Variants in RNF13 observed in about 807,000 individuals in gnomAD.
RNF13 encodes E3 ubiquitin-protein ligase RNF13.
A neutral mutation model predicts 37.7 loss-of-function variants in RNF13; 19 were observed. The ratio of observed to expected loss-of-function variants is 0.50; its 90% CI spans 0.35 to 0.74. RNF13 has a LOEUF of 0.74. Among genes scored for constraint, RNF13 ranks in the 30% least tolerant of loss-of-function variants. The pLI, the probability that RNF13 is intolerant of heterozygous loss-of-function variation, is 0.01. For missense variants in RNF13, 375 were observed against 453.0 expected (o/e 0.83, Z 1.56); for synonymous variants, 144 against 157.8 (o/e 0.91, Z 0.65).
intron 3 of RNF13, among the ~76,000 whole-genome samples, chr3:149,862,209 T>G (rs1724330482): frequency 6.6e-6 from 1 of 152,102 alleles, no homozygotes; most frequent in Admixed American, 6.5e-5. Context: ...AACCAATCCC[T>G]TGTGTCATTG....
chr3:149,834,377 T>C (rs1439614223), intron 1 of RNF13, among the ~76,000 whole-genome samples: 1 of 152,218 alleles, frequency 6.6e-6, no homozygotes, highest in Non-Finnish European at 1.5e-5. Context: ...AGTGTGGTAC[T>C]GGTGTAAAGA....
intron 8 of RNF13, among the ~76,000 whole-genome samples, chr3:149,951,073 G>C (rs1312699695): frequency 3.3e-5 from 5 of 152,102 alleles, no homozygotes; most frequent in Non-Finnish European, 7.4e-5. Flanking sequence ...GATTTTTCCT[G>C]GTAGAGCTTC....
intron 5 of RNF13, among the ~76,000 whole-genome samples, chr3:149,896,789 T>C (rs1171645004): frequency 6.6e-6 from 1 of 152,180 alleles, no homozygotes; most frequent in African/African-American, 2.4e-5. Flanking sequence ...ATTTTTGTCC[T>C]TCTTAACCCT....
At chr3:149,876,378 C>CT (rs746562741) in intron 4 of RNF13, among the ~76,000 whole-genome samples, 2 of 152,156 alleles carry the variant, frequency 1.3e-5, no homozygotes, top group Non-Finnish European at 2.9e-5. Context: ...CCCACACCCC[C>CT]TTTTTTGTGG....
chr3:149,842,540 G>C (rs931387249), intron 1 of RNF13, among the ~76,000 whole-genome samples: 1 of 152,090 alleles, frequency 6.6e-6, no homozygotes. Context: ...ACAGTGCTGG[G>C]ATATAAACCC....
In RNF13 at chr3:149,960,938, C is replaced by T. The variant is rs200489974; in HGVS notation, c.980C>T (p.Ser327Leu). 6.4e-5 allele frequency: 104 copies of T among 1,614,030 alleles called. No homozygotes were observed. Among genetic ancestry groups the T allele is most frequent in the Middle Eastern group, 1.6e-4 (1 of 6,084 alleles). ...SVSAQSFGAL[S>L]ESRSHQNMTE... ...AGTGCCCAGTCATTTGGGGCTTTAT[C>T]GGAATCCCGCTCACATCAGAACATG... Residue 327 changes from serine (S) to leucine (L), a missense_variant, in exon 10 of 10, where the codon TCG (serine) becomes TTG (leucine). By Grantham distance (145) the Ser-to-Leu change is moderately radical. Coordinates refer to ENST00000392894, the MANE Select transcript of RNF13 (RefSeq NM_183381.3).
intron 3 of RNF13, among the ~76,000 whole-genome samples, chr3:149,861,194 G>A (rs548752055): frequency 1.3e-5 from 2 of 151,570 alleles, no homozygotes; most frequent in Non-Finnish European, 2.9e-5. Flanking sequence ...TGTGGAAAAC[G>A]GTATGGAGAT....
At chr3:149,905,773 C>T (rs1175849304) in intron 6 of RNF13, among the ~76,000 whole-genome samples, 1 of 151,840 alleles carries the variant, frequency 6.6e-6, no homozygotes, top group Non-Finnish European at 1.5e-5. Flanking sequence ...ATCAGTTATT[C>T]CAATGGGGTT....
At chr3:149,936,995 G>T (rs1719757726) in intron 8 of RNF13, among the ~76,000 whole-genome samples, 1 of 152,064 alleles carries the variant, frequency 6.6e-6, no homozygotes, top group African/African-American at 2.4e-5. Context: ...GTTCCAAAGG[G>T]GATTCCCTGG....
At chr3:149,884,483 G>GT (rs371766980) in intron 4 of RNF13, among the ~76,000 whole-genome samples, 31 of 149,836 alleles carry the variant, frequency 2.1e-4, no homozygotes, top group Middle Eastern at 3.4e-3. Flanking sequence ...TCCAGTAATT[G>GT]TTTTTTTTTC....
intron 5 of RNF13, among the ~76,000 whole-genome samples, chr3:149,898,546 C>G (rs577158656): frequency 6.6e-6 from 1 of 152,150 alleles, no homozygotes; most frequent in East Asian, 1.9e-4. Context: ...TACCTAATAT[C>G]TATATGCTTC....
At chr3:149,930,795 G>A (rs1020870622) in intron 8 of RNF13, among the ~76,000 whole-genome samples, 12 of 152,122 alleles carry the variant, frequency 7.9e-5, no homozygotes, top group Admixed American at 2.6e-4. Context: ...TCGGCAGATT[G>A]TGCCTTTCTG....
At position 149,912,891 on chromosome 3, in the gene RNF13, A is replaced by C. The variant is rs567064952; in HGVS notation, c.606+808A>C. 3.3e-5 allele frequency among the ~76,000 whole-genome samples: 5 copies of C among 152,204 alleles called. No homozygotes were observed. In the South Asian group the frequency reaches 1.0e-3, roughly 32 times the overall value. ...TCATTCTCTTAGAGGTGTACAGTAAAAATTTCTATAGGCTACATGATGTGC... is the reference window on the plus strand; with the variant it reads ...TCATTCTCTTAGAGGTGTACAGTAACAATTTCTATAGGCTACATGATGTGC... On this transcript the variant is annotated intron_variant, in intron 7 of 9. Coordinates refer to ENST00000392894, the MANE Select transcript of RNF13 (RefSeq NM_183381.3).
intron 3 of RNF13, among the ~76,000 whole-genome samples, chr3:149,855,761 G>A (rs1016636791): frequency 8.6e-5 from 13 of 152,006 alleles, no homozygotes; most frequent in Non-Finnish European, 8.8e-5. Context: ...CAAAGGCTGT[G>A]CTAATTTATT....
intron 5 of RNF13, 37 bp from the exon 6 acceptor site, chr3:149,902,035 G>A (rs1715896253): frequency 3.2e-6 from 3 of 936,388 alleles, no homozygotes; most frequent in Non-Finnish European, 4.7e-6. Context: ...CACTAAATAT[G>A]GGCTTTTAAG....
intron 1 of RNF13, among the ~76,000 whole-genome samples, chr3:149,845,208 A>G (rs1239651494): frequency 2.0e-5 from 3 of 152,150 alleles, no homozygotes; most frequent in Admixed American, 1.3e-4. Context: ...ATCAAAACGG[A>G]TATTACATGA....
chr3:149,845,293 G>A (rs1255990177), intron 1 of RNF13, among the ~76,000 whole-genome samples: 1 of 152,126 alleles, frequency 6.6e-6, no homozygotes, highest in Non-Finnish European at 1.5e-5. Flanking sequence ...TTGTTTAAGA[G>A]TATATAATAC....
chr3:149,892,462 C>A (rs574179210), intron 4 of RNF13, among the ~76,000 whole-genome samples: 2 of 152,070 alleles, frequency 1.3e-5, no homozygotes, highest in Non-Finnish European at 2.9e-5. Flanking sequence ...TGTAGACAAC[C>A]GCAGATTTAA....
At chr3:149,826,789 C>T (rs1720549049) in intron 1 of RNF13, among the ~76,000 whole-genome samples, 1 of 152,200 alleles carries the variant, frequency 6.6e-6, no homozygotes, top group Non-Finnish European at 1.5e-5. Context: ...TAGGGTCTTG[C>T]TCTGTCACCC....
Sources: gnomAD v4.1 joint callset for allele counts (sites outside exome capture counted in the v4.1 genomes callset) on GRCh38, gnomAD v4.1.1 for gene constraint, MANE v1.5 for transcripts, NCBI Gene and HGNC (gene_info 2026-07-23, HGNC 2026-07-21) for gene names.